MAF: variants seen among roughly 807,000 people sequenced by gnomAD.
The protein encoded by MAF is transcription factor Maf.
A neutral mutation model predicts 22.0 loss-of-function variants in MAF; 10 were observed. The ratio of observed to expected loss-of-function variants is 0.45; its 90% CI spans 0.28 to 0.77. The LOEUF (loss-of-function observed/expected upper bound fraction) is 0.77, where lower values mean the gene tolerates loss of function less well. Ranked by LOEUF, MAF falls within the 30% of genes least tolerant of loss-of-function variation. MAF has a pLI of 0.12. For missense variants in MAF, 544 were observed against 548.4 expected, an observed-to-expected ratio of 0.99 and a Z score of 0.08; for synonymous variants, 337 against 255.8, an observed-to-expected ratio of 1.32 and a Z score of -3.03.
the MAF span, among the ~76,000 whole-genome samples, chr16:79,272,569 C>T: frequency 2.2e-4 from 34 of 152,316 alleles, no homozygotes; most frequent in African/African-American, 7.9e-4. Flanking sequence ...CATTTGTGAC[C>T]ACGTGGCCCC....
the MAF span, among the ~76,000 whole-genome samples, chr16:79,383,009 T>C: frequency 2.0e-5 from 3 of 152,226 alleles, no homozygotes; most frequent in South Asian, 2.1e-4. Context: ...CTTTACTGCA[T>C]AGCATGTACA....
the MAF span, among the ~76,000 whole-genome samples, chr16:79,484,666 G>A: frequency 2.6e-5 from 4 of 152,186 alleles, no homozygotes; most frequent in African/African-American, 9.6e-5. Context: ...CGTTGGTCCA[G>A]CTTTGGGCTC....
At chr16:79,233,354 T>C in the MAF span, among the ~76,000 whole-genome samples, 1 of 151,982 alleles carries the variant, frequency 6.6e-6, no homozygotes, top group Non-Finnish European at 1.5e-5. Flanking sequence ...AGTAGACCTA[T>C]GAAATGATCA....
At chr16:79,520,884 T>C in the MAF span, among the ~76,000 whole-genome samples, 316 of 152,258 alleles carry the variant, frequency 2.1e-3, 6 homozygotes, top group African/African-American at 7.2e-3. Flanking sequence ...TGCTAAGTGC[T>C]TCATTTGCTT....
the MAF span, among the ~76,000 whole-genome samples, chr16:79,472,752 AAT>A: frequency 6.6e-6 from 1 of 152,138 alleles, no homozygotes; most frequent in Non-Finnish European, 1.5e-5. Flanking sequence ...TCACACTTTA[AAT>A]TGGTGAATTT....
chr16:79,326,518 C>T, the MAF span, among the ~76,000 whole-genome samples: 1 of 152,204 alleles, frequency 6.6e-6, no homozygotes. Context: ...CAGACGTGAG[C>T]ACGACATTAA....
At chr16:79,567,177 G>A in the MAF span, among the ~76,000 whole-genome samples, 26 of 152,156 alleles carry the variant, frequency 1.7e-4, no homozygotes, top group Admixed American at 7.9e-4. Flanking sequence ...AATTAGACAG[G>A]CATTGTGGCA....
chr16:79,380,371 T>A, the MAF span, among the ~76,000 whole-genome samples: 3 of 152,294 alleles, frequency 2.0e-5, no homozygotes, highest in South Asian at 6.2e-4. Context: ...TAATTAACAA[T>A]AGTAGTAGCA....
the MAF span, among the ~76,000 whole-genome samples, chr16:79,236,816 C>A: frequency 6.6e-6 from 1 of 151,888 alleles, no homozygotes; most frequent in African/African-American, 2.4e-5. Context: ...ACGCCATCTC[C>A]GATGACTCCA....
the MAF span, among the ~76,000 whole-genome samples, chr16:79,447,178 C>T: frequency 6.6e-6 from 1 of 152,042 alleles, no homozygotes; most frequent in Non-Finnish European, 1.5e-5. Context: ...CCAAAGCTTA[C>T]TTACTATTGT....
chr16:79,382,599 G>A, the MAF span, among the ~76,000 whole-genome samples: 1 of 152,174 alleles, frequency 6.6e-6, no homozygotes, highest in African/African-American at 2.4e-5. Flanking sequence ...CCTGAACGCA[G>A]CTATTGACGA....
chr16:79,335,875 G>T, the MAF span, among the ~76,000 whole-genome samples: 1 of 152,190 alleles, frequency 6.6e-6, no homozygotes, highest in African/African-American at 2.4e-5. Flanking sequence ...ACAGCCCGGT[G>T]AGGTTGGACC....
chr16:79,368,963 G>A, the MAF span, among the ~76,000 whole-genome samples: 3,422 of 151,996 alleles, frequency 0.023, 70 homozygotes, highest in Middle Eastern at 0.058. Context: ...TTGTTGTTTT[G>A]CTGTCTCCTC....
At chr16:79,519,542 C>T in the MAF span, among the ~76,000 whole-genome samples, 2 of 152,166 alleles carry the variant, frequency 1.3e-5, no homozygotes, top group Non-Finnish European at 2.9e-5. Context: ...ACTCTCTGTC[C>T]CTCCCTTTCT....
At chr16:79,568,148 C>G in the MAF span, among the ~76,000 whole-genome samples, 1 of 152,174 alleles carries the variant, frequency 6.6e-6, no homozygotes, top group Non-Finnish European at 1.5e-5. Flanking sequence ...AAAATCCAGT[C>G]GCTAAAATCC....
At chr16:79,479,398 T>C in the MAF span, among the ~76,000 whole-genome samples, 1 of 152,228 alleles carries the variant, frequency 6.6e-6, no homozygotes, top group Non-Finnish European at 1.5e-5. Context: ...TCTGAACAAG[T>C]GAATGATCAA....
chr16:79,326,990 T>A, the MAF span, among the ~76,000 whole-genome samples: 1 of 152,208 alleles, frequency 6.6e-6, no homozygotes, highest in Non-Finnish European at 1.5e-5. Context: ...AGGCAATTCA[T>A]AACGTCCTAG....
At chr16:79,308,662 T>C in the MAF span, among the ~76,000 whole-genome samples, 5 of 152,202 alleles carry the variant, frequency 3.3e-5, no homozygotes, top group Admixed American at 6.5e-5. Context: ...TGGGAATGTA[T>C]TGATGTCTGT....
chr16:79,433,011 C>T, the MAF span, among the ~76,000 whole-genome samples: 2 of 152,110 alleles, frequency 1.3e-5, no homozygotes, highest in Admixed American at 1.3e-4. Flanking sequence ...AACTAATACA[C>T]CAGGTAAGAT....
Sources: allele counts gnomAD v4.1 joint callset (sites outside exome capture counted in the v4.1 genomes callset), GRCh38; gene constraint gnomAD v4.1.1; transcripts MANE v1.5; gene names NCBI Gene and HGNC (gene_info 2026-07-23, HGNC 2026-07-21).